GTF2F2: variants seen among roughly 807,000 people sequenced by gnomAD.
GTF2F2 encodes ATP-dependent helicase GTF2F2.
A neutral mutation model predicts 42.2 loss-of-function variants in GTF2F2; 23 were observed. The ratio of observed to expected loss-of-function variants is 0.55; its 90% CI spans 0.39 to 0.77. GTF2F2 has a LOEUF of 0.77. Among genes scored for constraint, GTF2F2 ranks in the 30% least tolerant of loss-of-function variants. The pLI, the probability that GTF2F2 is intolerant of heterozygous loss-of-function variation, is 0.00. For missense variants in GTF2F2, 261 were observed against 287.2 expected, an observed-to-expected ratio of 0.91 and a Z score of 0.66; for synonymous variants, 105 against 100.8, an observed-to-expected ratio of 1.04 and a Z score of -0.25.
intron 7 of GTF2F2, among the ~76,000 whole-genome samples, chr13:45,282,949 C>T (rs1877322588): frequency 6.6e-6 from 1 of 152,208 alleles, no homozygotes. Flanking sequence ...CACCTTAGAA[C>T]TGAGAATTCT....
At chr13:45,151,477 G>A (rs1180361462) in intron 3 of GTF2F2, among the ~76,000 whole-genome samples, 1 of 152,072 alleles carries the variant, frequency 6.6e-6, no homozygotes, top group Non-Finnish European at 1.5e-5. Flanking sequence ...TCTTGCCTCA[G>A]CCTCCCAAGT....
intron 2 of GTF2F2, among the ~76,000 whole-genome samples, chr13:45,137,913 G>A (rs1418562261): frequency 2.0e-5 from 3 of 152,182 alleles, no homozygotes; most frequent in Non-Finnish European, 4.4e-5. Flanking sequence ...CAGGGGCCAT[G>A]CTCATCTTCT....
intron 4 of GTF2F2, chr13:45,194,728 G>A (rs893452434): frequency 1.1e-5 from 7 of 648,330 alleles, no homozygotes; most frequent in African/African-American, 3.7e-5. Flanking sequence ...AGTAGGTGGC[G>A]TATCAGCCTA....
At chr13:45,253,349 T>C (rs895714674) in intron 6 of GTF2F2, among the ~76,000 whole-genome samples, 3 of 152,204 alleles carry the variant, frequency 2.0e-5, no homozygotes, top group Admixed American at 1.3e-4. Context: ...TGATGAACCA[T>C]AAGAAAGTTT....
At chr13:45,258,154 A>G (rs1383789149) in intron 6 of GTF2F2, among the ~76,000 whole-genome samples, 1 of 152,042 alleles carries the variant, frequency 6.6e-6, no homozygotes, top group Non-Finnish European at 1.5e-5. Flanking sequence ...TATCAGTATC[A>G]TTTTAAATAT....
At chr13:45,158,227 T>A (rs2138128384) in intron 4 of GTF2F2, among the ~76,000 whole-genome samples, 1 of 152,304 alleles carries the variant, frequency 6.6e-6, no homozygotes, top group East Asian at 1.9e-4. Context: ...ATACTGTTCT[T>A]GTGGTAGTGA....
intron 4 of GTF2F2, among the ~76,000 whole-genome samples, chr13:45,190,557 T>A (rs1872576487): frequency 6.6e-6 from 1 of 152,210 alleles, no homozygotes. Flanking sequence ...ACCCCCTAAG[T>A]CTCTGTTTCT....
chr13:45,161,100 CTT>C (rs1390311752), intron 4 of GTF2F2, among the ~76,000 whole-genome samples: 1 of 152,078 alleles, frequency 6.6e-6, no homozygotes, highest in Admixed American at 6.5e-5. Flanking sequence ...GTGAAACAGA[CTT>C]TTTAAAAAAT....
rs753844420 is a variant in GTF2F2, at chr13:45,250,341, CAGCCTGCCTTATTTCTTATA to C, written c.387-2526_387-2507del. 6.6e-4 allele frequency among the ~76,000 whole-genome samples: 101 copies of C among 152,280 alleles called. 1 individual carries two copies. The highest frequency in any genetic ancestry group is 5.6e-4 in the Non-Finnish European group (38 of 68,002). On this transcript the variant is annotated intron_variant, in intron 5 of 7. Coordinates refer to ENST00000340473, the MANE Select transcript of GTF2F2 (RefSeq NM_004128.3). ...AATTACAGGTGTGAGCCACTACACC[CAGCCTGCCTTATTTCTTATA>C]AGCATGAGCAGCTCTGCTCCAGTTT... is the stretch of plus-strand genomic sequence containing the variant.
intron 4 of GTF2F2, among the ~76,000 whole-genome samples, chr13:45,188,403 TGTGC>T (rs1203668914): frequency 6.6e-6 from 1 of 152,208 alleles, no homozygotes; most frequent in Non-Finnish European, 1.5e-5. Context: ...GAATTAAACA[TGTGC>T]TTGTTAAAAG....
At chr13:45,192,545 AG>A (rs1321660745) in intron 4 of GTF2F2, among the ~76,000 whole-genome samples, 1 of 152,208 alleles carries the variant, frequency 6.6e-6, no homozygotes, top group African/African-American at 2.4e-5. Flanking sequence ...ATTTTAAAAG[AG>A]CAAATTTAAA....
intron 7 of GTF2F2, among the ~76,000 whole-genome samples, chr13:45,279,473 A>G (rs1475705221): frequency 6.6e-6 from 1 of 152,198 alleles, no homozygotes; most frequent in Non-Finnish European, 1.5e-5. Flanking sequence ...TAGAATTTGA[A>G]TGGTCTATTT....
chr13:45,153,142 T>A (rs1040853397), intron 4 of GTF2F2, among the ~76,000 whole-genome samples: 1 of 151,792 alleles, frequency 6.6e-6, no homozygotes, highest in Non-Finnish European at 1.5e-5. Context: ...CCTGAATAGC[T>A]GGGACTACAG....
intron 5 of GTF2F2, among the ~76,000 whole-genome samples, chr13:45,232,386 G>A (rs1874728235): frequency 6.6e-6 from 1 of 152,114 alleles, no homozygotes; most frequent in South Asian, 2.1e-4. Flanking sequence ...CAGCACTTTG[G>A]GAGGCTGAGG....
At chr13:45,176,806 G>C (rs746435075) in intron 4 of GTF2F2, among the ~76,000 whole-genome samples, 38 of 150,268 alleles carry the variant, frequency 2.5e-4, no homozygotes, top group South Asian at 4.2e-4. Flanking sequence ...TTTTTTTTTG[G>C]GGGGGACGGT....
At chr13:45,261,992 G>A (rs1420235627) in intron 6 of GTF2F2, among the ~76,000 whole-genome samples, 1 of 151,966 alleles carries the variant, frequency 6.6e-6, no homozygotes, top group African/African-American at 2.4e-5. Context: ...AATCCCCTTC[G>A]ATAATTACAC....
rs1555267758 is a variant in GTF2F2 at position 45,191,222 on chromosome 13, A to AT, written c.305-16202_305-16201insT. ...CCGTCTCTACTAAAAATACAAAAAA[A>AT]AAATATATATATATATATATATATA... is the stretch of plus-strand genomic sequence containing the variant. On this transcript the variant is annotated intron_variant, in intron 4 of 7. Transcript: ENST00000340473. Among the ~76,000 whole-genome samples the AT allele has an allele frequency of 9.6e-4, 67 of 69,944 alleles. 2 individuals carry two copies. Among genetic ancestry groups the AT allele is most frequent in the South Asian group, 4.4e-3 (11 of 2,506 alleles). The allele number at this position is 69,944 out of a possible 152,430, so 45.9% of individuals were successfully genotyped here.
intron 7 of GTF2F2, among the ~76,000 whole-genome samples, chr13:45,278,539 A>C (rs900619110): frequency 6.6e-6 from 1 of 152,162 alleles, no homozygotes; most frequent in Non-Finnish European, 1.5e-5. Context: ...AAAGTGATCT[A>C]CTCAGTTCTA....
At chr13:45,149,697 T>A (rs1014450307) in intron 2 of GTF2F2, 73 bp from the exon 3 acceptor site, 209 of 1,377,782 alleles carry the variant, frequency 1.5e-4, no homozygotes, top group Middle Eastern at 1.4e-3. Flanking sequence ...AGTTTTTTTT[T>A]AAGCTCTTAA....
Sources: allele counts gnomAD v4.1 joint callset (sites outside exome capture counted in the v4.1 genomes callset), GRCh38; gene constraint gnomAD v4.1.1; transcripts MANE v1.5; gene names NCBI Gene and HGNC (gene_info 2026-07-23, HGNC 2026-07-21).